Variants in ZNF814 observed in about 807,000 individuals in gnomAD.
ZNF814 encodes zinc finger protein 814.
ZNF814 carries 5 observed loss-of-function variants against 7.5 expected under a neutral mutation model. That is an observed-to-expected ratio of 0.67 (90% CI 0.35 to 1.40). ZNF814 has a LOEUF of 1.40. ZNF814 is among the 40% of genes most tolerant of loss of function. The pLI, the probability that ZNF814 is intolerant of heterozygous loss-of-function variation, is 0.04. For synonymous variants in ZNF814, 315 were observed against 340.7 expected (o/e 0.92, Z 0.83); for missense variants, 962 against 1,018.0 (o/e 0.94, Z 0.75).
chr19:57,895,230 T>C, the ZNF814 span, among the ~76,000 whole-genome samples: 3 of 151,916 alleles, frequency 2.0e-5, no homozygotes, highest in African/African-American at 7.3e-5. Context: ...AAATTGGGCC[T>C]CAAACCCAGG....
rs1046404805 is a variant in ZNF814 at position 57,873,147 on chromosome 19, T to C, written c.2243A>G (p.Asp748Gly). 6.2e-7 allele frequency: 1 copy of C among 1,613,902 alleles called. No homozygotes were observed. Among genetic ancestry groups the C allele is most frequent in the South Asian group, 1.1e-5 (1 of 91,004 alleles). The change falls in exon 3 of 3, where the codon GAT becomes GGT. Residue 748 changes from aspartate (D) to glycine (G), a missense_variant. Physicochemically the swap from Asp to Gly is moderately conservative, Grantham distance 94. Around this residue, in one of 7 missense-constraint regions of ZNF814, gnomAD observed 665 missense variants for 551.4 expected, o/e 1.21. Coordinates refer to ENST00000435989, the MANE Select transcript of ZNF814 (RefSeq NM_001144989.2). ...GCTGTGGGTAAATGATTTTCCACAA[T>C]CATTGCATTCATAAGGCCTTTCTCC... ...HTGERPYECN[D>G]CGKSFTHSST... is the part of the protein sequence containing the mutation.
the ZNF814 span, among the ~76,000 whole-genome samples, chr19:57,902,861 A>T: frequency 6.6e-6 from 1 of 151,400 alleles, no homozygotes; most frequent in Admixed American, 6.6e-5. Flanking sequence ...TATTTTTTTT[A>T]GTAGAGACGG....
chr19:57,872,968 A>G lies in ZNF814; in HGVS notation c.2422T>C (p.Ser808Pro), dbSNP rs2071568822. 6.2e-7 allele frequency: 1 copy of G among 1,613,658 alleles called. No homozygotes were observed. The highest frequency in any genetic ancestry group is 8.5e-7 in the Non-Finnish European group (1 of 1,179,818). ...KPYECSECGK[S>P]FAESSSLTKH... ...GTGAGACTGGAGCTTTCAGCAAAAG[A>G]TTTTCCACATTCACTGCACTCATAA... The change falls in exon 3 of 3, where the codon TCT (serine) becomes CCT (proline). Residue 808 changes from serine (S) to proline (P), a missense_variant. Physicochemically the swap from Ser to Pro is moderately conservative, Grantham distance 74. Coordinates refer to ENST00000435989, the MANE Select transcript of ZNF814 (RefSeq NM_001144989.2).
At chr19:57,878,328 C>T (rs1485542461) in intron 1 of ZNF814, among the ~76,000 whole-genome samples, 4 of 151,970 alleles carry the variant, frequency 2.6e-5, no homozygotes, top group Non-Finnish European at 5.9e-5. Flanking sequence ...TGGCCTGATT[C>T]CCTCAGGAGG....
Position 57,888,939 on chromosome 19 carries a change from C to A in ZNF814, c.-137G>T. On this transcript the variant is annotated 5_prime_UTR_variant, in exon 1 of 3. Coordinates refer to ENST00000435989, the MANE Select transcript of ZNF814 (RefSeq NM_001144989.2). The stretch of plus-strand genomic sequence containing the variant: ...GAGCTCCAGAGTAGCCTCTGTGCAG[C>A]GGAGGACAACTGCTCCCCGACTTCT... 1.1e-6 allele frequency: 1 copy of A among 900,328 alleles called. No individual in the cohort carries two copies. The highest frequency in any genetic ancestry group is 1.7e-6 in the Non-Finnish European group (1 of 584,744). 55.8% of individuals were successfully genotyped at this position (900,328 alleles called of 1,614,324 possible).
rs57591690 is a variant in ZNF814, at chr19:57,869,942, C to CAAA, written c.*2877_*2879dup. On this transcript the variant is annotated 3_prime_UTR_variant, in exon 3 of 3. Coordinates refer to ENST00000435989, the MANE Select transcript of ZNF814 (RefSeq NM_001144989.2). ...CCTGGCTGACAGTGAGACTCTGTCT[C>CAAA]AAAAAAAAAAAAAAAAGGTTGGGCA... 1,295 of 133,328 alleles carry CAAA rather than the reference C, an allele frequency of 9.7e-3. 40 individuals carry two copies. The highest frequency in any genetic ancestry group is 0.036 in the African/African-American group (1,197 of 33,372). The allele number at this position is 133,328 out of a possible 1,614,324, so 8.3% of individuals were successfully genotyped here. A position where few individuals can be genotyped will look rare whatever the true frequency, so the allele number is the denominator to read the frequency against.
upstream of ZNF814, among the ~76,000 whole-genome samples, chr19:57,891,729 G>A (rs1166549675): frequency 1.3e-5 from 2 of 151,658 alleles, no homozygotes; most frequent in Non-Finnish European, 2.9e-5. Flanking sequence ...TCTGTCTATG[G>A]AGTACCCACT....
chr19:57,870,261 TAA>T lies in ZNF814; in HGVS notation c.*2559_*2560del, dbSNP rs1426696606. ...TCCGTCTCAAAATAAATAATAATAA[TAA>T]TTAAAAAAATGCAGTTCAAAAGAAA... On this transcript the variant is annotated 3_prime_UTR_variant, in exon 3 of 3. Coordinates refer to ENST00000435989, the MANE Select transcript of ZNF814 (RefSeq NM_001144989.2). 6.6e-6 allele frequency: 1 copy of T among 152,014 alleles called. No individual in the cohort carries two copies. The highest frequency in any genetic ancestry group is 1.9e-4 in the East Asian group (1 of 5,194). 9.4% of individuals were successfully genotyped at this position (152,014 alleles called of 1,614,324 possible).
intron 2 of ZNF814, among the ~76,000 whole-genome samples, chr19:57,876,152 T>A (rs2071606115): frequency 1.3e-5 from 2 of 151,804 alleles, no homozygotes; most frequent in Admixed American, 1.3e-4. Context: ...GAGACAGGGT[T>A]TCACCATCTT....
Position 57,877,056 on chromosome 19 carries a change from G to A in ZNF814, c.37-14C>T, listed in dbSNP as rs769783031. 6.2e-7 allele frequency: 1 copy of A among 1,613,548 alleles called. No individual in the cohort carries two copies. Among genetic ancestry groups the A allele is most frequent in the Admixed American group, 1.7e-5 (1 of 59,954 alleles). On this transcript the variant is annotated splice_polypyrimidine_tract_variant and intron_variant, in intron 1 of 2. Transcript: ENST00000435989. ...AGTCACTGTGCCCTGTTATGATGTT[G>A]ACAGATGAAACTACAAACTGCCCCT...
intron 1 of ZNF814, among the ~76,000 whole-genome samples, chr19:57,887,264 A>G (rs1362534894): frequency 6.6e-6 from 1 of 152,228 alleles, no homozygotes; most frequent in East Asian, 1.9e-4. Flanking sequence ...CTCTTCCACT[A>G]TCAGTTCTCA....
At chr19:57,885,455 C>A (rs1434537648) in intron 1 of ZNF814, among the ~76,000 whole-genome samples, 1 of 151,412 alleles carries the variant, frequency 6.6e-6, no homozygotes, top group African/African-American at 2.4e-5. Flanking sequence ...ATGGTGAAAC[C>A]CCATCTCTAC....
At chr19:57,883,357 C>CA (rs768307718) in intron 1 of ZNF814, among the ~76,000 whole-genome samples, 2,657 of 65,068 alleles carry the variant, frequency 0.041, 51 homozygotes, top group African/African-American at 0.086. Context: ...GACTCCATCT[C>CA]AAAAAAAAAA....
chr19:57,893,084 C>T, upstream of ZNF814, among the ~76,000 whole-genome samples: 1 of 151,808 alleles, frequency 6.6e-6, no homozygotes, highest in East Asian at 1.9e-4. Context: ...CCAGCTGGGT[C>T]ACTAGAGGCT....
In ZNF814 at chr19:57,873,269, CT is replaced by C; in HGVS notation, c.2120del (p.Gln707ArgfsTer206). On this transcript the variant is annotated frameshift_variant, in exon 3 of 3. Transcript: ENST00000435989. LOFTEE classifies it low-confidence loss of function (END_TRUNC). ...ATGGCTTTTCTCCATTGTGAATTCT[CT>C]GGTGTACAAGGAGGTGAGACTTCTT... ...FKKKSHLLVH[Q>X]RIHNGEKPYA... is the part of the protein sequence containing the mutation. The C allele has an allele frequency of 1.2e-6, 2 of 1,600,108 alleles. No individual in the cohort carries two copies. The highest frequency in any genetic ancestry group is 1.7e-6 in the Non-Finnish European group (2 of 1,172,842).
At chr19:57,891,244 G>A (rs2071732492), upstream of ZNF814, among the ~76,000 whole-genome samples, 2 of 152,194 alleles carry the variant, frequency 1.3e-5, no homozygotes, top group Admixed American at 1.3e-4. Flanking sequence ...AAGAAATAGG[G>A]GCCAGGCGCG....
At position 57,874,949 on chromosome 19, in the gene ZNF814, G is replaced by C. The variant is rs1363489574; in HGVS notation, c.441C>G (p.Pro147=). 6.8e-6 allele frequency: 11 copies of C among 1,612,742 alleles called. No homozygotes were observed. The highest frequency in any genetic ancestry group is 9.3e-6 in the Non-Finnish European group (11 of 1,179,052). The change falls in exon 3 of 3, where the codon CCC becomes CCG. Residue 147 remains proline, a synonymous_variant. Coordinates refer to ENST00000435989, the MANE Select transcript of ZNF814 (RefSeq NM_001144989.2). ...ACGCCTCCTCAACACTCCCTCTGTA[G>C]GGTTTCTCTCCAATGTGCTCATTCT... The part of the protein sequence containing the change: ...QHQNEHIGEK[P]YRGSVEEALF...
At chr19:57,899,929 C>T in the ZNF814 span, among the ~76,000 whole-genome samples, 2 of 152,184 alleles carry the variant, frequency 1.3e-5, no homozygotes, top group African/African-American at 4.8e-5. Context: ...AGTAAACAAA[C>T]AACAAATTCA....
upstream of ZNF814, among the ~76,000 whole-genome samples, chr19:57,893,641 G>C (rs935458488): frequency 6.6e-6 from 1 of 152,038 alleles, no homozygotes; most frequent in Admixed American, 6.5e-5. Context: ...AGTCATGGCC[G>C]GGTGCGGGGG....
Sources: allele counts gnomAD v4.1 joint callset (sites outside exome capture counted in the v4.1 genomes callset), GRCh38; gene constraint gnomAD v4.1.1; regional missense constraint gnomAD v4.1.1; transcripts MANE v1.5; gene names NCBI Gene and HGNC (gene_info 2026-07-23, HGNC 2026-07-21).